SEMA4C: variants seen among roughly 807,000 people sequenced by gnomAD.
SEMA4C encodes the protein semaphorin 4C.
Under a neutral mutation model 89.0 loss-of-function variants are expected in SEMA4C, and 19 were observed. The ratio of observed to expected loss-of-function variants is 0.21; its 90% confidence interval spans 0.15 to 0.31. The LOEUF (loss-of-function observed/expected upper bound fraction) is 0.31, where lower values mean the gene tolerates loss of function less well. SEMA4C is among the 10% of genes least tolerant of loss of function. The pLI is 1.00. For synonymous variants in SEMA4C, 428 were observed against 472.7 expected (o/e 0.91, Z 1.23); for missense variants, 811 against 1,107.0 (o/e 0.73, Z 3.79).
upstream of SEMA4C, chr2:96,870,647 A>G: frequency 2.0e-6 from 2 of 985,460 alleles, no homozygotes; most frequent in South Asian, 4.7e-5. Context: ...AGACCCTTCA[A>G]TCAACAGAAA....
At position 96,864,808 on chromosome 2, in the gene SEMA4C, C is replaced by A; in HGVS notation, c.859G>T (p.Ala287Ser). The change falls in exon 9 of 15, where the codon GCC becomes TCC. Residue 287 changes from alanine to serine, a missense_variant. Physicochemically the swap from Ala to Ser is moderately conservative, Grantham distance 99 (BLOSUM62 1). Transcript: ENST00000305476. This position sits in a 1 kb window ranked among gnomAD's most constrained non-coding sequence, Gnocchi z 6.3. ...TFLKARLACS[A>S]PNWQLYFNQL... ...TTGAAGTAGAGCTGCCAGTTCGGGGCAGAGCATGCCAGCCGCGCCTTCAGG... is the reference window on the plus strand; with the variant it reads ...TTGAAGTAGAGCTGCCAGTTCGGGGAAGAGCATGCCAGCCGCGCCTTCAGG... 6.2e-7 allele frequency: 1 copy of A among 1,613,934 alleles called. No homozygotes were observed. Among genetic ancestry groups the A allele is most frequent in the South Asian group, 1.1e-5 (1 of 91,090 alleles).
chr2:96,866,017 C>T (rs912018622), intron 3 of SEMA4C, 88 bp from the exon 4 acceptor site: 62 of 1,378,438 alleles, frequency 4.5e-5, no homozygotes, highest in African/African-American at 5.7e-5. Flanking sequence ...AACACAGGGA[C>T]GCCCAGTGCA....
chr2:96,869,141 C>T (rs2153365970), intron 1 of SEMA4C: 4 of 985,382 alleles, frequency 4.1e-6, no homozygotes, highest in Middle Eastern at 5.2e-4. Flanking sequence ...GGCTGCGCCC[C>T]AGACCAGCCC....
upstream of SEMA4C, chr2:96,870,589 A>G: frequency 2.0e-6 from 2 of 985,422 alleles, no homozygotes; most frequent in Non-Finnish European, 2.4e-6. Context: ...GGCCCCGAGG[A>G]CCACTGGTCC....
chr2:96,861,867 G>A lies in SEMA4C; in HGVS notation c.1471C>T (p.Gln491Ter). The change falls in exon 13 of 15, where the codon CAG (glutamine) becomes TAG (stop). Residue 491 changes from glutamine (Q) to a stop codon, truncating the protein, a stop_gained. Coordinates refer to ENST00000305476, the MANE Select transcript of SEMA4C (RefSeq NM_017789.5). LOFTEE classifies it high-confidence loss of function. The surrounding 1 kb of genome is among the most constrained non-coding windows in gnomAD (Gnocchi z 7.8). ...KKLLFAGSRS[Q>*]LVQLPVADCM... The stretch of plus-strand genomic sequence containing the variant: ...TCGGCCACGGGCAGCTGCACCAGCT[G>A]AGAGCGGGAGCCGGCAAAGAGCAGC... 6.2e-7 allele frequency: 1 copy of A among 1,612,068 alleles called. No individual in the cohort carries two copies. Among genetic ancestry groups the A allele is most frequent in the Non-Finnish European group, 8.5e-7 (1 of 1,179,676 alleles).
rs374830549 is a variant in SEMA4C, at chr2:96,861,697, G to A, written c.1601+40C>T. ...TCAGCAGCCTGGCTCCAACCACCCT[G>A]AGTCCCTGGAGGTCCTGGCCTATGT... On this transcript the variant is annotated intron_variant, in intron 13 of 14. Coordinates refer to ENST00000305476, the MANE Select transcript of SEMA4C (RefSeq NM_017789.5). This position sits in a 1 kb window ranked among gnomAD's most constrained non-coding sequence, Gnocchi z 7.8. The A allele has an allele frequency of 6.4e-4, 1,031 of 1,604,288 alleles. 1 individual carries two copies. Among genetic ancestry groups the A allele is most frequent in the Non-Finnish European group, 7.7e-4 (900 of 1,173,354 alleles).
chr2:96,868,045 C>A, intron 1 of SEMA4C, 122 bp from the exon 2 acceptor site: 1 of 1,332,112 alleles, frequency 7.5e-7, no homozygotes, highest in Non-Finnish European at 1.0e-6. Context: ...GCCCTCCTTC[C>A]CCTTCTCTTT....
rs1288890050 is a variant in SEMA4C, at chr2:96,864,960, G to A, written c.786+4C>T. 4.4e-6 allele frequency: 7 copies of A among 1,590,140 alleles called. No homozygotes were observed. Among genetic ancestry groups the A allele is most frequent in the South Asian group, 1.1e-5 (1 of 88,466 alleles). ...CCAGGGCCCACCGCTGTGAGACTCG[G>A]TACCTTGCAGACACGGGCCACACGA... On this transcript the variant is annotated splice_donor_region_variant and intron_variant, in intron 8 of 14. Transcript: ENST00000305476. This position sits in a 1 kb window ranked among gnomAD's most constrained non-coding sequence, Gnocchi z 6.3.
intron 1 of SEMA4C, chr2:96,868,529 TGA>T (rs2080133631): frequency 2.8e-5 from 28 of 985,752 alleles, no homozygotes; most frequent in Non-Finnish European, 3.4e-5. Context: ...GGCAGGAGTG[TGA>T]GAAGGGCCGG....
At chr2:96,863,889 G>A in intron 11 of SEMA4C, 37 bp downstream of exon 11, 1 of 1,597,048 alleles carries the variant, frequency 6.3e-7, no homozygotes, top group African/African-American at 1.3e-5. Flanking sequence ...CTTCTGCCCA[G>A]CCTTGAGCAG....
rs533332637 is a variant in SEMA4C, at chr2:96,860,387, C to A, written c.*239G>T. The A allele has an allele frequency of 3.6e-4, 185 of 514,534 alleles. 1 individual carries two copies. The highest frequency in any genetic ancestry group is 3.4e-3 in the African/African-American group (175 of 52,196). The allele number at this position is 514,534 out of a possible 1,614,324, so 31.9% of individuals were successfully genotyped here. On this transcript the variant is annotated 3_prime_UTR_variant, in exon 15 of 15. Coordinates refer to ENST00000305476, the MANE Select transcript of SEMA4C (RefSeq NM_017789.5). ...AAAAGTTTTGGCGGCTGGGGTCCCG[C>A]GTGTCTGTGATTCACAGAGAGGAGG...
intron 5 of SEMA4C, 52 bp from the exon 6 acceptor site, chr2:96,865,589 G>T: frequency 6.3e-7 from 1 of 1,599,364 alleles, no homozygotes; most frequent in Non-Finnish European, 8.6e-7. Flanking sequence ...AGGGCTCTGT[G>T]GGCCACATCC....
intron 2 of SEMA4C, 134 bp from the exon 3 acceptor site, chr2:96,866,565 C>T (rs2080076967): frequency 1.6e-6 from 2 of 1,274,552 alleles, no homozygotes; most frequent in Non-Finnish European, 2.2e-6. Context: ...ATAAAGGACA[C>T]TTTTGAAACA....
intron 6 of SEMA4C, 34 bp from the exon 7 acceptor site, chr2:96,865,354 G>A: frequency 6.2e-7 from 1 of 1,611,906 alleles, no homozygotes; most frequent in Non-Finnish European, 8.5e-7. Context: ...GGCCACACAT[G>A]AGGTATGGAC....
At chr2:96,863,599 G>T in intron 12 of SEMA4C, 83 bp downstream of exon 12, 1 of 1,409,948 alleles carries the variant, frequency 7.1e-7, no homozygotes, top group Non-Finnish European at 1.0e-6. Context: ...AAGCACATAG[G>T]CCCAACTGGG....
chr2:96,868,554 C>T, intron 1 of SEMA4C: 1 of 985,888 alleles, frequency 1.0e-6, no homozygotes, highest in Non-Finnish European at 1.2e-6. Flanking sequence ...GCGAAGGGGC[C>T]CAGCTTCCCG....
chr2:96,865,248 G>T lies in SEMA4C; in HGVS notation c.590C>A (p.Pro197His). Residue 197 changes from proline to histidine, a missense_variant, in exon 7 of 15, where the codon CCC becomes CAC. By Grantham distance (77) the Pro-to-His change is moderately conservative (BLOSUM62 -2). This residue lies in a region of SEMA4C where 441 missense variants were observed against 664.9 expected (regional missense o/e 0.66). Coordinates refer to ENST00000305476, the MANE Select transcript of SEMA4C (RefSeq NM_017789.5). Reference sequence around the variant, plus strand: ...GTACTCTGTCTTCATGGAGTGGTGGGGCCCCATGTTACGCAGGATAATGGG... The same window carrying T: ...GTACTCTGTCTTCATGGAGTGGTGGTGCCCCATGTTACGCAGGATAATGGG... ...TEPIILRNMG[P>H]HHSMKTEYLA... 6.2e-7 allele frequency: 1 copy of T among 1,614,144 alleles called. No individual in the cohort carries two copies. Among genetic ancestry groups the T allele is most frequent in the Non-Finnish European group, 8.5e-7 (1 of 1,179,974 alleles).
chr2:96,867,358 C>T (rs778093093), intron 2 of SEMA4C, among the ~76,000 whole-genome samples: 3 of 152,156 alleles, frequency 2.0e-5, no homozygotes, highest in Non-Finnish European at 2.9e-5. Context: ...GGCAACCATG[C>T]GAGCATGTGC....
chr2:96,865,384 C>T, intron 6 of SEMA4C, 57 bp downstream of exon 6: 1 of 1,610,688 alleles, frequency 6.2e-7, no homozygotes, highest in South Asian at 1.1e-5. Flanking sequence ...CAACACAGAC[C>T]CAAGTGGAAC....
Sources: gnomAD v4.1 joint callset for allele counts (sites outside exome capture counted in the v4.1 genomes callset) on GRCh38, gnomAD v4.1.1 for gene constraint, gnomAD v4.1.1 regional missense constraint, Gnocchi (gnomAD v3.1) non-coding constraint, MANE v1.5 for transcripts, NCBI Gene and HGNC (gene_info 2026-07-23, HGNC 2026-07-21) for gene names.